TRAPPC9: variants seen among roughly 807,000 people sequenced by gnomAD.
TRAPPC9 encodes IKK2 binding protein.
Under a neutral mutation model 124.0 loss-of-function variants are expected in TRAPPC9, and 83 were observed. The observed-to-expected ratio is 0.67, with a 90% CI of 0.56 to 0.80. The LOEUF is 0.80. Among genes scored for constraint, TRAPPC9 ranks in the 30% least tolerant of loss-of-function variants. The pLI is 0.00. For synonymous variants in TRAPPC9, 638 were observed against 617.5 expected (o/e 1.03, Z -0.49); for missense variants, 1,302 against 1,508.3 (o/e 0.86, Z 2.27).
Position 139,941,775 on chromosome 8 carries a change from G to C in TRAPPC9, c.2811-31475C>G, listed in dbSNP as rs920232131. Among the ~76,000 whole-genome samples the C allele has an allele frequency of 3.3e-5, 5 of 152,292 alleles. No homozygotes were observed. In the East Asian group the frequency reaches 7.7e-4, roughly 24 times the overall value. On this transcript the variant is annotated intron_variant, in intron 19 of 22. Transcript: ENST00000438773. The stretch of plus-strand genomic sequence containing the variant: ...GGCTGGCCGAGCAGGAGGCAGGCTG[G>C]GCAGAGGGCATATTCCACTCTGCAC...
chr8:140,161,929 G>A (rs1308751620), intron 17 of TRAPPC9, among the ~76,000 whole-genome samples: 1 of 152,142 alleles, frequency 6.6e-6, no homozygotes, highest in Non-Finnish European at 1.5e-5. Flanking sequence ...CTGGTTGCAG[G>A]CAGACGGGCA....
chr8:139,804,176 C>T, intron 21 of TRAPPC9, among the ~76,000 whole-genome samples: 1 of 143,226 alleles, frequency 7.0e-6, no homozygotes, highest in African/African-American at 2.6e-5. Flanking sequence ...CCACCACCAC[C>T]ACCCACCACC....
upstream of TRAPPC9, chr8:140,458,295 G>A: frequency 6.4e-7 from 1 of 1,558,796 alleles, no homozygotes; most frequent in African/African-American, 1.4e-5. Flanking sequence ...CCTTCAGGGC[G>A]CGCAGCTCAA....
intron 21 of TRAPPC9, among the ~76,000 whole-genome samples, chr8:139,823,773 G>C (rs994255165): frequency 1.3e-5 from 2 of 152,244 alleles, no homozygotes; most frequent in African/African-American, 4.8e-5. Context: ...GGCCTGCAGA[G>C]GCAACTGCGC....
intron 5 of TRAPPC9, among the ~76,000 whole-genome samples, chr8:140,416,710 A>G (rs562450647): frequency 1.3e-5 from 2 of 152,326 alleles, no homozygotes; most frequent in African/African-American, 4.8e-5. Context: ...CAAAATTTTA[A>G]AAAACTACTT....
At chr8:140,335,831 C>G (rs568098043) in intron 9 of TRAPPC9, among the ~76,000 whole-genome samples, 4 of 151,710 alleles carry the variant, frequency 2.6e-5, no homozygotes, top group Non-Finnish European at 1.5e-5. Context: ...TTTAGCCTCC[C>G]GAGTAGCTGG....
rs2070774145 is a variant in TRAPPC9, at chr8:140,435,252, GAAAACAAAAAACAAAAACCA to G, written c.731-32_731-13del. 3.0e-5 allele frequency: 4 copies of G among 132,120 alleles called. No homozygotes were observed. Among genetic ancestry groups the G allele is most frequent in the African/African-American group, 9.5e-5 (1 of 10,580 alleles). 8.2% of individuals were successfully genotyped at this position (132,120 alleles called of 1,614,324 possible). ...TCCTTCCAGGGCAGCTGGGCATTAA[GAAAACAAAAAACAAAAACCA>G]GAAAACAAAAAACAAAAACCAGCAT... is the stretch of plus-strand genomic sequence containing the variant. On this transcript the variant is annotated splice_polypyrimidine_tract_variant and intron_variant, in intron 3 of 22. Coordinates refer to ENST00000438773, the MANE Select transcript of TRAPPC9 (RefSeq NM_001160372.4).
chr8:140,412,656 A>T, intron 5 of TRAPPC9, among the ~76,000 whole-genome samples: 1 of 152,210 alleles, frequency 6.6e-6, no homozygotes, highest in East Asian at 1.9e-4. Flanking sequence ...AATAAAGCAA[A>T]TGATAACAAC....
Position 139,981,953 on chromosome 8 carries a change from G to A in TRAPPC9, c.2810+6773C>T, listed in dbSNP as rs1019634422. On this transcript the variant is annotated intron_variant, in intron 19 of 22. Coordinates refer to ENST00000438773, the MANE Select transcript of TRAPPC9 (RefSeq NM_001160372.4). Reference sequence around the variant, plus strand: ...CAGGTCCGCTGCACCCTCTAAATGCGGTGTCCCTGCAGCAAGCGAGGGGGA... The same window carrying A: ...CAGGTCCGCTGCACCCTCTAAATGCAGTGTCCCTGCAGCAAGCGAGGGGGA... 3.9e-5 allele frequency among the ~76,000 whole-genome samples: 6 copies of A among 152,198 alleles called. No homozygotes were observed. The East Asian group carries it at 7.7e-4, about 20-fold the overall frequency.
At chr8:140,395,973 G>A (rs780102885) in intron 7 of TRAPPC9, among the ~76,000 whole-genome samples, 3 of 152,002 alleles carry the variant, frequency 2.0e-5, no homozygotes, top group Non-Finnish European at 2.9e-5. Flanking sequence ...TCCCAAGCAC[G>A]TTTCCAGCGG....
intron 16 of TRAPPC9, among the ~76,000 whole-genome samples, chr8:140,243,282 G>A (rs569811455): frequency 2.0e-4 from 30 of 152,346 alleles, no homozygotes; most frequent in South Asian, 1.7e-3. Context: ...GATGAGAGGA[G>A]GAGCCCATCT....
At chr8:139,861,325 T>G (rs1034803878) in intron 21 of TRAPPC9, among the ~76,000 whole-genome samples, 1 of 152,110 alleles carries the variant, frequency 6.6e-6, no homozygotes, top group Non-Finnish European at 1.5e-5. Flanking sequence ...CTAATTCCGA[T>G]TGGCTACTTT....
At chr8:139,955,804 C>G (rs556671473) in intron 19 of TRAPPC9, among the ~76,000 whole-genome samples, 4 of 152,116 alleles carry the variant, frequency 2.6e-5, no homozygotes, top group African/African-American at 9.7e-5. Context: ...CCACTAACGT[C>G]GAGGAATCCT....
At chr8:140,078,406 C>T (rs1587658910) in intron 17 of TRAPPC9, among the ~76,000 whole-genome samples, 1 of 152,174 alleles carries the variant, frequency 6.6e-6, no homozygotes. Flanking sequence ...AAATCTTGGC[C>T]TCAGGCAGGG....
chr8:139,939,956 G>T (rs553737392), intron 19 of TRAPPC9, among the ~76,000 whole-genome samples: 5 of 152,222 alleles, frequency 3.3e-5, no homozygotes, highest in Non-Finnish European at 5.9e-5. Context: ...CTGATCTCTC[G>T]AGAGAACCAG....
At chr8:140,244,398 G>C (rs1251733096) in intron 16 of TRAPPC9, among the ~76,000 whole-genome samples, 2 of 152,136 alleles carry the variant, frequency 1.3e-5, no homozygotes, top group Non-Finnish European at 2.9e-5. Context: ...TAATTATCAT[G>C]TCTAACAGAA....
chr8:140,075,191 C>T (rs780696529), intron 17 of TRAPPC9, among the ~76,000 whole-genome samples: 2 of 152,090 alleles, frequency 1.3e-5, no homozygotes, highest in African/African-American at 4.8e-5. Context: ...CTAGGCCCTG[C>T]GTCTTATAAA....
intron 7 of TRAPPC9, among the ~76,000 whole-genome samples, chr8:140,383,089 T>G (rs1001877779): frequency 1.3e-5 from 2 of 152,204 alleles, no homozygotes; most frequent in Non-Finnish European, 2.9e-5. Context: ...CCAACAGACC[T>G]GCAGCTGAGG....
chr8:139,793,898 C>T (rs535525121), intron 21 of TRAPPC9, among the ~76,000 whole-genome samples: 2 of 152,304 alleles, frequency 1.3e-5, no homozygotes, highest in African/African-American at 4.8e-5. Flanking sequence ...GACTGCAGGG[C>T]CACATGTCCT....
Sources: gnomAD v4.1 joint callset for allele counts (sites outside exome capture counted in the v4.1 genomes callset) on GRCh38, gnomAD v4.1.1 for gene constraint, MANE v1.5 for transcripts, NCBI Gene and HGNC (gene_info 2026-07-23, HGNC 2026-07-21) for gene names.